TUBGCP6: variants seen among roughly 807,000 people sequenced by gnomAD.
The protein encoded by TUBGCP6 is gamma-tubulin complex component 6.
TUBGCP6 carries 161 observed loss-of-function variants against 175.8 expected under a neutral mutation model. The ratio of observed to expected loss-of-function variants is 0.92; its 90% confidence interval spans 0.81 to 1.04. TUBGCP6 has a LOEUF of 1.04. Among genes scored for constraint, TUBGCP6 ranks in the 50% least tolerant of loss-of-function variants. The pLI is 0.00. For synonymous variants in TUBGCP6, 1,173 were observed against 1,030.5 expected (o/e 1.14, Z -2.65); for missense variants, 2,572 against 2,433.0 (o/e 1.06, Z -1.20).
chr22:50,225,782 G>A lies in TUBGCP6; in HGVS notation c.1983+12C>T, dbSNP rs1213651486. On this transcript the variant is annotated intron_variant, in intron 10 of 24. Transcript: ENST00000248846. ...GGCGAAGAAAGCCCCCGAGACCTGT[G>A]GTGCCACGCACCTTCTCCTCCTTGC... is the stretch of plus-strand genomic sequence containing the variant. The A allele has an allele frequency of 2.5e-6, 4 of 1,606,918 alleles. No homozygotes were observed. Among genetic ancestry groups the A allele is most frequent in the African/African-American group, 2.7e-5 (2 of 74,778 alleles).
chr22:50,240,032 T>C lies in TUBGCP6; in HGVS notation c.905+172A>G. 2 of 865,430 alleles carry C rather than the reference T, an allele frequency of 2.3e-6. 1 individual carries two copies. Among genetic ancestry groups the C allele is most frequent in the Non-Finnish European group, 3.6e-6 (2 of 557,242 alleles). 53.6% of individuals were successfully genotyped at this position (865,430 alleles called of 1,614,324 possible). ...TAAAGGCTGTTAGTGCTTTCCCCTC[T>C]GCATCTCTCTTAACTCCCAGGACTC... is the stretch of plus-strand genomic sequence containing the variant. On this transcript the variant is annotated intron_variant, in intron 2 of 24. Coordinates refer to ENST00000248846, the MANE Select transcript of TUBGCP6 (RefSeq NM_020461.4).
chr22:50,223,291 A>G (rs1367171498), intron 13 of TUBGCP6: 2 of 152,358 alleles, frequency 1.3e-5, no homozygotes, highest in Non-Finnish European at 1.5e-5. Flanking sequence ...CCATAAAGAG[A>G]TCTAAGGTTG....
At position 50,221,432 on chromosome 22, in the gene TUBGCP6, C is replaced by A; in HGVS notation, c.2927G>T (p.Ser976Ile). 1.3e-6 allele frequency: 2 copies of A among 1,599,714 alleles called. No homozygotes were observed. Among genetic ancestry groups the A allele is most frequent in the Non-Finnish European group, 1.7e-6 (2 of 1,175,824 alleles). Residue 976 changes from serine (S) to isoleucine (I), a missense_variant, in exon 16 of 25, where the codon AGC becomes ATC. Coordinates refer to ENST00000248846, the MANE Select transcript of TUBGCP6 (RefSeq NM_020461.4). Reference sequence around the variant, plus strand: ...CAGCTGTAGCCCTGAGCTGCCCAAGCTGCACTCTGCAGCCTGCAGGGGCCC... The same window carrying A: ...CAGCTGTAGCCCTGAGCTGCCCAAGATGCACTCTGCAGCCTGCAGGGGCCC... ...APGPLQAAEC[S>I]LGSSGLQLWE... is the part of the protein sequence containing the mutation.
chr22:50,220,359 A>G lies in TUBGCP6; in HGVS notation c.4000T>C (p.Ser1334Pro). ...CTGATGCTCCCCTCCCCGCAGCCCG[A>G]GCTGGGGGAGGACAGAGATGGCCCC... ...EVGPSLSSPS[S>P]GCGEGSISVG... is the part of the protein sequence containing the mutation. Residue 1334 changes from serine to proline, a missense_variant, in exon 16 of 25, where the codon TCG becomes CCG. Transcript: ENST00000248846. 1.3e-6 allele frequency: 2 copies of G among 1,525,154 alleles called. No individual in the cohort carries two copies. Among genetic ancestry groups the G allele is most frequent in the Non-Finnish European group, 1.8e-6 (2 of 1,131,758 alleles). The allele number at this position is 1,525,154 out of a possible 1,614,324, so 94.5% of individuals were successfully genotyped here.
At position 50,222,134 on chromosome 22, in the gene TUBGCP6, A is replaced by G. The variant is rs757773845; in HGVS notation, c.2410-32T>C. On this transcript the variant is annotated intron_variant, in intron 14 of 24. Transcript: ENST00000248846. ...TTCAAGCCAGAGGGGTGACTGGCCA[A>G]GCCGGAGTCAAGCACAGCCCTACCC... 7 of 1,606,846 alleles carry G rather than the reference A, an allele frequency of 4.4e-6. No homozygotes were observed. In the African/African-American group the frequency reaches 9.4e-5, roughly 21 times the overall value.
chr22:50,233,623 T>C (rs2064722467), intron 2 of TUBGCP6, 97 bp from the exon 3 acceptor site: 4 of 1,181,954 alleles, frequency 3.4e-6, no homozygotes, highest in Non-Finnish European at 3.6e-6. Flanking sequence ...AACAGAAGAA[T>C]GGAAGTGATT....
rs746453722 is a variant in TUBGCP6, at chr22:50,220,940, G to A, written c.3419C>T (p.Ala1140Val). The A allele has an allele frequency of 1.2e-6, 2 of 1,606,578 alleles. No homozygotes were observed. The highest frequency in any genetic ancestry group is 2.2e-5 in the South Asian group (2 of 90,706). The stretch of plus-strand genomic sequence containing the variant: ...CACGTTCTCCCCAACCCTGATGCTG[G>A]CGTTGGACACGTGCCCGTGGGTATT... ...RWNTHGHVSN[A>V]SIRVGENVSD... Residue 1140 changes from alanine to valine, a missense_variant, in exon 16 of 25, where the codon GCC becomes GTC. Coordinates refer to ENST00000248846, the MANE Select transcript of TUBGCP6 (RefSeq NM_020461.4).
intron 2 of TUBGCP6, among the ~76,000 whole-genome samples, chr22:50,235,855 G>C (rs1009310821): frequency 2.0e-5 from 3 of 151,858 alleles, no homozygotes; most frequent in African/African-American, 7.2e-5. Flanking sequence ...CAGGAGAATG[G>C]CTTGAACCCG....
Position 50,220,397 on chromosome 22 carries a change from A to G in TUBGCP6, c.3962T>C (p.Leu1321Pro). Residue 1321 changes from leucine to proline, a missense_variant, in exon 16 of 25, where the codon CTG becomes CCG. Coordinates refer to ENST00000248846, the MANE Select transcript of TUBGCP6 (RefSeq NM_020461.4). ...CAGAGATGGCCCCACTTCTACAGGC[A>G]GCCGTGGCCCACAGTCCAGCACAGT... ...QSTVLDCGPR[L>P]PVEVGPSLSS... is the part of the protein sequence containing the mutation. 1 of 1,575,484 alleles carries G rather than the reference A, an allele frequency of 6.3e-7. No homozygotes were observed. The highest frequency in any genetic ancestry group is 8.6e-7 in the Non-Finnish European group (1 of 1,156,562).
At position 50,218,026 on chromosome 22, in the gene TUBGCP6, G is replaced by C; in HGVS notation, c.5260C>G (p.Gln1754Glu). 2 of 1,613,302 alleles carry C rather than the reference G, an allele frequency of 1.2e-6. No individual in the cohort carries two copies. The highest frequency in any genetic ancestry group is 1.1e-5 in the South Asian group (1 of 91,082). The change falls in exon 24 of 25, where the codon CAG becomes GAG. Residue 1754 changes from glutamine (Q) to glutamate (E), a missense_variant. Coordinates refer to ENST00000248846, the MANE Select transcript of TUBGCP6 (RefSeq NM_020461.4). ...VLKFRSQLIS[Q>E]AWGPPGGPRG... is the part of the protein sequence containing the mutation. Reference sequence around the variant, plus strand: ...GGGCCCCCAGGGGGCCCCCAGGCCTGGGAGATGAGCTGGCTGCGGAACTTG... The same window carrying C: ...GGGCCCCCAGGGGGCCCCCAGGCCTCGGAGATGAGCTGGCTGCGGAACTTG...
intron 18 of TUBGCP6, 81 bp downstream of exon 18, chr22:50,219,563 G>A: frequency 9.4e-6 from 15 of 1,589,298 alleles, no homozygotes; most frequent in South Asian, 3.4e-5. Flanking sequence ...CCAGGGCTCC[G>A]CCCCAACCCA....
chr22:50,219,871 C>T (rs1362848256), intron 17 of TUBGCP6, 80 bp from the exon 18 acceptor site: 9 of 1,603,288 alleles, frequency 5.6e-6, no homozygotes, highest in South Asian at 2.2e-5. Flanking sequence ...AAAGGAAAAT[C>T]GCATGTGGGA....
chr22:50,218,504 G>A lies in TUBGCP6; in HGVS notation c.4938C>T (p.Phe1646=), dbSNP rs1452596796. The part of the protein sequence containing the change: ...LMMWALKDVC[F]HLKRTALLSH... The stretch of plus-strand genomic sequence containing the variant: ...GGGCCTCACCTGTGCGCTTGAGGTG[G>A]AAGCAGACGTCCTTGAGCGCCCACA... The change falls in exon 22 of 25, where the codon TTC becomes TTT. Residue 1646 remains phenylalanine, a synonymous_variant. Transcript: ENST00000248846. The A allele has an allele frequency of 2.5e-6, 4 of 1,613,654 alleles. No individual in the cohort carries two copies. Among genetic ancestry groups the A allele is most frequent in the East Asian group, 4.5e-5 (2 of 44,874 alleles).
intron 3 of TUBGCP6, among the ~76,000 whole-genome samples, chr22:50,232,891 A>T (rs2064711832): frequency 6.6e-6 from 1 of 152,214 alleles, no homozygotes; most frequent in African/African-American, 2.4e-5. Context: ...CTGGTGCCAG[A>T]ACCAGTAAGG....
At position 50,229,373 on chromosome 22, in the gene TUBGCP6, G is replaced by A. The variant is rs557556909; in HGVS notation, c.1290+31C>T. 5 of 1,606,426 alleles carry A rather than the reference G, an allele frequency of 3.1e-6. No homozygotes were observed. The South Asian group carries it at 3.3e-5, about 11-fold the overall frequency. Reference sequence around the variant, plus strand: ...GGTCGTGTGCACCGTTCTCACAAAGGTGTGTGACAACCATGAGGCAAAGGC... The same window carrying A: ...GGTCGTGTGCACCGTTCTCACAAAGATGTGTGACAACCATGAGGCAAAGGC... On this transcript the variant is annotated intron_variant, in intron 4 of 24. Coordinates refer to ENST00000248846, the MANE Select transcript of TUBGCP6 (RefSeq NM_020461.4).
chr22:50,240,727 C>T (rs1394641607), intron 1 of TUBGCP6, among the ~76,000 whole-genome samples: 5 of 152,206 alleles, frequency 3.3e-5, no homozygotes, highest in South Asian at 2.1e-4. Context: ...CAGTGGCTCA[C>T]GCCTGTAATC....
At chr22:50,219,835 G>A (rs1171812522) in intron 17 of TUBGCP6, 44 bp from the exon 18 acceptor site, 15 of 1,606,156 alleles carry the variant, frequency 9.3e-6, no homozygotes, top group East Asian at 2.2e-5. Flanking sequence ...ACTGCACGCT[G>A]TCCCCACAAC....
chr22:50,219,932 G>A (rs2064487624), intron 17 of TUBGCP6, 25 bp downstream of exon 17: 6 of 1,613,456 alleles, frequency 3.7e-6, no homozygotes, highest in Non-Finnish European at 5.1e-6. Context: ...CCTGCTGTGG[G>A]ACCCCCAGGC....
intron 2 of TUBGCP6, 84 bp from the exon 3 acceptor site, chr22:50,233,610 A>G (rs2064722399): frequency 5.3e-6 from 7 of 1,313,028 alleles, no homozygotes; most frequent in Non-Finnish European, 7.5e-6. Flanking sequence ...GGGAATGGGC[A>G]TGAACAGAAG....
Sources: allele counts gnomAD v4.1 joint callset (sites outside exome capture counted in the v4.1 genomes callset), GRCh38; gene constraint gnomAD v4.1.1; transcripts MANE v1.5; gene names NCBI Gene and HGNC (gene_info 2026-07-23, HGNC 2026-07-21).